PACRG: variants seen among roughly 807,000 people sequenced by gnomAD.
PACRG encodes the protein parkin coregulated.
A neutral mutation model predicts 29.7 loss-of-function variants in PACRG; 29 were observed. The ratio of observed to expected loss-of-function variants is 0.98; its 90% CI spans 0.73 to 1.33. PACRG has a LOEUF of 1.33. Ranked by LOEUF, PACRG falls within the 40% of genes most tolerant of loss-of-function variation. The pLI, the probability that PACRG is intolerant of heterozygous loss-of-function variation, is 0.00. For missense variants in PACRG, 279 were observed against 316.2 expected (o/e 0.88, Z 0.89); for synonymous variants, 116 against 118.7 (o/e 0.98, Z 0.15).
intron 1 of PACRG, among the ~76,000 whole-genome samples, chr6:162,745,899 G>C (rs1337577709): frequency 6.6e-6 from 1 of 152,032 alleles, no homozygotes; most frequent in Non-Finnish European, 1.5e-5. Flanking sequence ...CTTTTTCAAA[G>C]TTACTGTCAT....
chr6:162,982,595 A>G (rs1340212134), intron 2 of PACRG, among the ~76,000 whole-genome samples: 3 of 151,874 alleles, frequency 2.0e-5, no homozygotes, highest in African/African-American at 4.8e-5. Context: ...TTTAATTTCC[A>G]TGTATTTGTA....
intron 1 of PACRG, among the ~76,000 whole-genome samples, chr6:162,759,539 CTTACTCCATTA>C (rs1282298091): frequency 6.6e-6 from 1 of 152,194 alleles, no homozygotes; most frequent in South Asian, 2.1e-4. Context: ...TTACAATATG[CTTACTCCATTA>C]TTTCATTTTC....
chr6:162,887,869 G>A (rs1193954279), intron 2 of PACRG, among the ~76,000 whole-genome samples: 1 of 152,082 alleles, frequency 6.6e-6, no homozygotes, highest in Admixed American at 6.5e-5. Flanking sequence ...TCAGTCCTCA[G>A]TCTTGGTGAC....
chr6:162,883,223 G>A (rs948830348), intron 2 of PACRG, among the ~76,000 whole-genome samples: 2 of 151,848 alleles, frequency 1.3e-5, no homozygotes, highest in Admixed American at 6.6e-5. Flanking sequence ...AATTATAAAG[G>A]CATATTTACT....
chr6:162,852,611 G>T (rs532364854), intron 2 of PACRG, among the ~76,000 whole-genome samples: 6 of 152,284 alleles, frequency 3.9e-5, no homozygotes, highest in Non-Finnish European at 8.8e-5. Flanking sequence ...TGATAGTCCA[G>T]GCTTTTGTTT....
intron 2 of PACRG, among the ~76,000 whole-genome samples, chr6:163,020,117 A>G (rs1806473928): frequency 6.6e-6 from 1 of 152,268 alleles, no homozygotes; most frequent in Admixed American, 6.5e-5. Context: ...AACAATGTAA[A>G]GAAAACATAA....
chr6:162,987,508 A>G (rs1803007592), intron 2 of PACRG, among the ~76,000 whole-genome samples: 1 of 152,130 alleles, frequency 6.6e-6, no homozygotes, highest in Admixed American at 6.6e-5. Context: ...TTCTCATGAC[A>G]GTGAATAAGT....
At chr6:163,016,199 CA>C (rs1806091588) in intron 2 of PACRG, 1 of 152,158 alleles carries the variant, frequency 6.6e-6, no homozygotes, top group African/African-American at 2.4e-5. Context: ...TCTTTCTGAA[CA>C]GTTAACTTGT....
chr6:163,256,626 C>T (rs1783117921), intron 4 of PACRG, among the ~76,000 whole-genome samples: 1 of 152,140 alleles, frequency 6.6e-6, no homozygotes, highest in Non-Finnish European at 1.5e-5. Context: ...CATGCAAAGG[C>T]CCCAAGAAGG....
At chr6:163,280,504 T>G (rs958687864) in intron 4 of PACRG, among the ~76,000 whole-genome samples, 1 of 152,178 alleles carries the variant, frequency 6.6e-6, no homozygotes, top group South Asian at 2.1e-4. Context: ...TCACTCTAAA[T>G]GAGAAGATCC....
chr6:162,763,238 C>G (rs1782517961), intron 1 of PACRG, among the ~76,000 whole-genome samples: 1 of 152,154 alleles, frequency 6.6e-6, no homozygotes, highest in African/African-American at 2.4e-5. Flanking sequence ...TATTATGGAC[C>G]TGAGATGTTT....
chr6:162,897,688 C>G (rs1795268875), intron 2 of PACRG, among the ~76,000 whole-genome samples: 1 of 152,192 alleles, frequency 6.6e-6, no homozygotes, highest in Non-Finnish European at 1.5e-5. Context: ...TAGGGTCTTA[C>G]CTTCAACTAT....
At chr6:163,235,102 C>CA (rs1403682962) in intron 4 of PACRG, among the ~76,000 whole-genome samples, 7 of 152,164 alleles carry the variant, frequency 4.6e-5, no homozygotes, top group Non-Finnish European at 8.8e-5. Context: ...GGTGGGAAGA[C>CA]ATAGCGGAAG....
chr6:162,751,041 A>G (rs938245055), intron 1 of PACRG, among the ~76,000 whole-genome samples: 2 of 152,172 alleles, frequency 1.3e-5, no homozygotes, highest in Non-Finnish European at 1.5e-5. Flanking sequence ...CACTTAATTC[A>G]ATAAGGAAGA....
intron 2 of PACRG, among the ~76,000 whole-genome samples, chr6:162,848,438 C>T (rs929344754): frequency 6.6e-6 from 1 of 152,198 alleles, no homozygotes; most frequent in Non-Finnish European, 1.5e-5. Flanking sequence ...CACACGAGGT[C>T]TTGCACACTC....
At chr6:162,781,081 A>G (rs933688801) in intron 1 of PACRG, among the ~76,000 whole-genome samples, 3 of 151,988 alleles carry the variant, frequency 2.0e-5, no homozygotes, top group Non-Finnish European at 2.9e-5. Flanking sequence ...AAATGACACC[A>G]AGGCCCATTA....
chr6:163,120,239 T>C (rs1221867505), intron 4 of PACRG, among the ~76,000 whole-genome samples: 1 of 152,188 alleles, frequency 6.6e-6, no homozygotes, highest in African/African-American at 2.4e-5. Flanking sequence ...GAAGTTCTGC[T>C]CTGCTGTAAC....
chr6:162,915,856 G>T (rs1796662450), intron 2 of PACRG, among the ~76,000 whole-genome samples: 1 of 151,934 alleles, frequency 6.6e-6, no homozygotes, highest in East Asian at 1.9e-4. Context: ...TTGTGATATG[G>T]GCTATATCTG....
At chr6:163,137,582 G>C (rs775874179) in intron 4 of PACRG, among the ~76,000 whole-genome samples, 21 of 152,118 alleles carry the variant, frequency 1.4e-4, no homozygotes, top group Middle Eastern at 6.8e-3. Context: ...CCTGGCTCTC[G>C]AGAACACCGT....
Sources: allele counts gnomAD v4.1 joint callset (sites outside exome capture counted in the v4.1 genomes callset), GRCh38; gene constraint gnomAD v4.1.1; transcripts MANE v1.5; gene names NCBI Gene and HGNC (gene_info 2026-07-23, HGNC 2026-07-21).